CDKAL1: variants seen among roughly 807,000 people sequenced by gnomAD.
The protein encoded by CDKAL1 is threonylcarbamoyladenosine tRNA methylthiotransferase.
A neutral mutation model predicts 68.2 loss-of-function variants in CDKAL1; 32 were observed. The observed-to-expected ratio is 0.47, with a 90% CI of 0.35 to 0.63. CDKAL1 has a LOEUF of 0.63. Ranked by LOEUF, CDKAL1 falls within the 30% of genes least tolerant of loss-of-function variation. CDKAL1 has a pLI of 0.00. For missense variants in CDKAL1, 606 were observed against 696.7 expected (o/e 0.87, Z 1.47); for synonymous variants, 234 against 244.3 (o/e 0.96, Z 0.39).
At chr6:21,167,298 C>G (rs928888496) in intron 13 of CDKAL1, among the ~76,000 whole-genome samples, 1 of 152,186 alleles carries the variant, frequency 6.6e-6, no homozygotes, top group African/African-American at 2.4e-5. Context: ...GCCAAAGGTA[C>G]TGTCAAAGCT....
At chr6:20,600,000 G>C (rs1766013321) in intron 4 of CDKAL1, among the ~76,000 whole-genome samples, 1 of 152,158 alleles carries the variant, frequency 6.6e-6, no homozygotes, top group Admixed American at 6.5e-5. Context: ...AATCCTGGCA[G>C]CTGTGCTGTA....
intron 5 of CDKAL1, among the ~76,000 whole-genome samples, chr6:20,674,516 A>T (rs1769999734): frequency 6.6e-6 from 1 of 152,206 alleles, no homozygotes; most frequent in Admixed American, 6.5e-5. Context: ...CATGCATACA[A>T]TGTGTAATGA....
intron 4 of CDKAL1, among the ~76,000 whole-genome samples, chr6:20,630,127 C>G (rs1767610598): frequency 6.6e-6 from 1 of 152,144 alleles, no homozygotes; most frequent in Non-Finnish European, 1.5e-5. Context: ...CCTCGGCCTC[C>G]CAAAGTGCTG....
chr6:21,060,565 CT>C (rs1290999181), intron 11 of CDKAL1, among the ~76,000 whole-genome samples: 2 of 151,478 alleles, frequency 1.3e-5, no homozygotes, highest in African/African-American at 4.8e-5. Context: ...CTTTATTTGT[CT>C]TTTCATTTGA....
At chr6:20,984,634 G>A (rs1231927549) in intron 10 of CDKAL1, among the ~76,000 whole-genome samples, 2 of 152,032 alleles carry the variant, frequency 1.3e-5, no homozygotes. Flanking sequence ...GCTCCCAGCG[G>A]GAAGGGGAGC....
chr6:20,947,333 G>A (rs188630614), intron 9 of CDKAL1, among the ~76,000 whole-genome samples: 1 of 152,306 alleles, frequency 6.6e-6, no homozygotes, highest in Admixed American at 6.5e-5. Flanking sequence ...GCTCACACCT[G>A]TAATCTCAGC....
rs571788884 is a variant in CDKAL1 at position 20,602,828 on chromosome 6, C to T, written c.287-46465C>T. Among the ~76,000 whole-genome samples the T allele has an allele frequency of 2.0e-3, 310 of 152,288 alleles. 1 individual carries two copies. The highest frequency in any genetic ancestry group is 6.8e-3 in the African/African-American group (283 of 41,552). On this transcript the variant is annotated intron_variant, in intron 4 of 15. Coordinates refer to ENST00000274695, the MANE Select transcript of CDKAL1 (RefSeq NM_017774.3). ...CTTTATTCTTCTTACCCACTGTGGC[C>T]TCTAATTCCTTTTAACCATATTCAT... is the stretch of plus-strand genomic sequence containing the variant.
chr6:21,001,388 T>C (rs887528417), intron 11 of CDKAL1, among the ~76,000 whole-genome samples: 8 of 152,178 alleles, frequency 5.3e-5, no homozygotes, highest in Non-Finnish European at 1.0e-4. Flanking sequence ...AAAAATCTTT[T>C]TCTTTTTTTT....
chr6:21,034,324 T>C (rs927828800), intron 11 of CDKAL1, among the ~76,000 whole-genome samples: 1 of 152,212 alleles, frequency 6.6e-6, no homozygotes, highest in Non-Finnish European at 1.5e-5. Flanking sequence ...GGAGCAGTGT[T>C]ATCGTCTGTA....
chr6:20,681,906 C>T (rs753609949), intron 5 of CDKAL1, among the ~76,000 whole-genome samples: 2 of 152,160 alleles, frequency 1.3e-5, no homozygotes, highest in Non-Finnish European at 2.9e-5. Flanking sequence ...ATACTGGAGG[C>T]TGGGAATTCC....
At chr6:20,775,794 GAATT>G (rs1775146165) in intron 7 of CDKAL1, among the ~76,000 whole-genome samples, 1 of 152,102 alleles carries the variant, frequency 6.6e-6, no homozygotes, top group African/African-American at 2.4e-5. Flanking sequence ...TGGATTTAAG[GAATT>G]AATTTGAAAC....
At chr6:20,824,354 T>C (rs1777411109) in intron 8 of CDKAL1, among the ~76,000 whole-genome samples, 1 of 152,130 alleles carries the variant, frequency 6.6e-6, no homozygotes, top group African/African-American at 2.4e-5. Flanking sequence ...TCTCACAGCA[T>C]CTGTGAGTCA....
intron 4 of CDKAL1, among the ~76,000 whole-genome samples, chr6:20,563,999 A>T (rs1473317381): frequency 6.6e-6 from 1 of 152,202 alleles, no homozygotes; most frequent in African/African-American, 2.4e-5. Context: ...GGATTTTGGG[A>T]TCAATTACTA....
chr6:20,638,261 A>T (rs766379099), intron 4 of CDKAL1, among the ~76,000 whole-genome samples: 29 of 152,204 alleles, frequency 1.9e-4, no homozygotes, highest in Non-Finnish European at 3.5e-4. Context: ...TATTTTTTTT[A>T]AAAAGTGCAG....
chr6:20,906,205 T>C (rs1762223124), intron 9 of CDKAL1, among the ~76,000 whole-genome samples: 1 of 152,226 alleles, frequency 6.6e-6, no homozygotes, highest in Non-Finnish European at 1.5e-5. Flanking sequence ...TTTTGTTTTC[T>C]ATATAATTTA....
Position 20,846,188 on chromosome 6 carries a change from TC to T in CDKAL1, c.742+11del, listed in dbSNP as rs761730957. 7 of 1,505,182 alleles carry T rather than the reference TC, an allele frequency of 4.7e-6. No individual in the cohort carries two copies. Among genetic ancestry groups the T allele is most frequent in the African/African-American group, 4.1e-5 (3 of 72,464 alleles). 93.2% of individuals were successfully genotyped at this position (1,505,182 alleles called of 1,614,324 possible). On this transcript the variant is annotated intron_variant, in intron 9 of 15. Transcript: ENST00000274695. ...AAACAATCTTTTCAAGGTAAGAGTTTCTAGAATTATATGTGAAATTAGTCTT... is the reference window on the plus strand; with the variant it reads ...AAACAATCTTTTCAAGGTAAGAGTTTTAGAATTATATGTGAAATTAGTCTT...
At chr6:21,039,842 G>T (rs1769817578) in intron 11 of CDKAL1, among the ~76,000 whole-genome samples, 1 of 151,922 alleles carries the variant, frequency 6.6e-6, no homozygotes, top group Non-Finnish European at 1.5e-5. Flanking sequence ...TTTCTATTTT[G>T]TTGTCTACTA....
chr6:20,819,330 T>C (rs1279562103), intron 8 of CDKAL1, among the ~76,000 whole-genome samples: 5 of 152,156 alleles, frequency 3.3e-5, no homozygotes, highest in African/African-American at 4.8e-5. Flanking sequence ...CTTACTTTGA[T>C]AGGCAAAATA....
At chr6:20,554,518 A>C (rs1763958898) in intron 4 of CDKAL1, among the ~76,000 whole-genome samples, 1 of 152,250 alleles carries the variant, frequency 6.6e-6, no homozygotes, top group Non-Finnish European at 1.5e-5. Context: ...AAATCTGGTG[A>C]ATAAAATATG....
Sources: allele counts gnomAD v4.1 joint callset (sites outside exome capture counted in the v4.1 genomes callset), GRCh38; gene constraint gnomAD v4.1.1; transcripts MANE v1.5; gene names NCBI Gene and HGNC (gene_info 2026-07-23, HGNC 2026-07-21).